The following NEURL4 variants were observed in gnomAD, a reference collection of about 807,000 sequenced individuals.
NEURL4 encodes the protein neuralized E3 ubiquitin protein ligase 4.
A neutral mutation model predicts 148.0 loss-of-function variants in NEURL4; 45 were observed. The ratio of observed to expected loss-of-function variants is 0.30; its 90% confidence interval spans 0.24 to 0.39. NEURL4 has a LOEUF of 0.39. Ranked by LOEUF, NEURL4 falls within the 10% of genes least tolerant of loss-of-function variation. NEURL4 has a pLI of 1.00. For missense variants in NEURL4, 1,776 were observed against 2,144.0 expected, an observed-to-expected ratio of 0.83 and a Z score of 3.39; for synonymous variants, 854 against 869.0, an observed-to-expected ratio of 0.98 and a Z score of 0.30.
Position 7,327,045 on chromosome 17 carries a change from T to C in NEURL4, c.794-36A>G. 2 of 1,605,168 alleles carry C rather than the reference T, an allele frequency of 1.2e-6. No individual in the cohort carries two copies. The highest frequency in any genetic ancestry group is 1.7e-6 in the Non-Finnish European group (2 of 1,179,252). On this transcript the variant is annotated intron_variant, in intron 3 of 28. Transcript: ENST00000399464. The surrounding 1 kb of genome is among the most constrained non-coding windows in gnomAD (Gnocchi z 6.6). ...AGGATGGAAGAAGGAAGCTCGGAAG[T>C]TGGGATGAGGCTCTACACCCCCAGA...
At chr17:7,325,144 T>TGGGGG in intron 8 of NEURL4, 65 bp downstream of exon 8, 96 of 956,318 alleles carry the variant, frequency 1.0e-4, no homozygotes, top group Non-Finnish European at 1.4e-4. Context: ...TCCACTTCCT[T>TGGGGG]GCCCCGCCCC....
chr17:7,328,031 C>A, intron 1 of NEURL4, 147 bp from the exon 2 acceptor site: 1 of 668,538 alleles, frequency 1.5e-6, no homozygotes, highest in South Asian at 2.0e-5. Context: ...TTCTGGACTC[C>A]GTCTTGGTAA....
rs2073026014 is a variant in NEURL4 at position 7,321,063 on chromosome 17, C to T, written c.3360+49G>A. On this transcript the variant is annotated intron_variant, in intron 20 of 28. Coordinates refer to ENST00000399464, the MANE Select transcript of NEURL4 (RefSeq NM_032442.3). This position sits in a 1 kb window ranked among gnomAD's most constrained non-coding sequence, Gnocchi z 6.3. ...AGAAAAGGCCTGGCATCCAACGGCC[C>T]AGCAACTGCCCATCCATGTGCACAG... 2 of 1,600,830 alleles carry T rather than the reference C, an allele frequency of 1.2e-6. No homozygotes were observed. The highest frequency in any genetic ancestry group is 1.1e-5 in the South Asian group (1 of 90,270).
Position 7,323,875 on chromosome 17 carries a change from G to A in NEURL4, c.2200C>T (p.Arg734Cys), listed in dbSNP as rs777626943. 25 of 1,613,860 alleles carry A rather than the reference G, an allele frequency of 1.5e-5. No homozygotes were observed. The highest frequency in any genetic ancestry group is 1.1e-4 in the South Asian group (10 of 91,088). ...GSNAVITNGG[R>C]TALRHNCRSE... is the part of the protein sequence containing the mutation. ...CGACAGTTGTGGCGGAGGGCGGTGC[G>A]GCCCCCGTTAGTGATGACTGCGTTA... is the stretch of plus-strand genomic sequence containing the variant. Residue 734 changes from arginine (R) to cysteine (C), a missense_variant, in exon 12 of 29, where the codon CGC becomes TGC. Physicochemically the swap from Arg to Cys is radical, Grantham distance 180. Coordinates refer to ENST00000399464, the MANE Select transcript of NEURL4 (RefSeq NM_032442.3).
In NEURL4 at chr17:7,321,262, A is replaced by G. The variant is rs762490853; in HGVS notation, c.3210T>C (p.Ala1070=). ...GGACTGGCCCGTAGAGATCCAACAC[A>G]GCCCACACGTTCTGGGAGGCACACA... is the stretch of plus-strand genomic sequence containing the variant. ...AATGIAKNVW[A]VLDLYGPVRG... Residue 1070 remains alanine (A), a synonymous_variant, in exon 20 of 29, where the codon GCT becomes GCC. Coordinates refer to ENST00000399464, the MANE Select transcript of NEURL4 (RefSeq NM_032442.3). The surrounding 1 kb of genome is among the most constrained non-coding windows in gnomAD (Gnocchi z 6.3). 1 of 1,613,606 alleles carries G rather than the reference A, an allele frequency of 6.2e-7. No homozygotes were observed. The highest frequency in any genetic ancestry group is 1.1e-5 in the South Asian group (1 of 91,070).
Position 7,327,895 on chromosome 17 carries a change from G to A in NEURL4, c.283-11C>T, listed in dbSNP as rs779035658. 3.8e-6 allele frequency: 6 copies of A among 1,585,704 alleles called. No homozygotes were observed. Among genetic ancestry groups the A allele is most frequent in the East Asian group, 4.6e-5 (2 of 43,344 alleles). ...GCTCCAGGAGTTGACCTGGGATAGG[G>A]GTATTGGACAGAGGCTTAGAATGGG... On this transcript the variant is annotated splice_polypyrimidine_tract_variant and intron_variant, in intron 1 of 28. Coordinates refer to ENST00000399464, the MANE Select transcript of NEURL4 (RefSeq NM_032442.3). The surrounding 1 kb of genome is among the most constrained non-coding windows in gnomAD (Gnocchi z 6.6).
chr17:7,324,382 C>T lies in NEURL4; in HGVS notation c.1899+13G>A, dbSNP rs1290948100. 3 of 1,614,080 alleles carry T rather than the reference C, an allele frequency of 1.9e-6. No individual in the cohort carries two copies. Among genetic ancestry groups the T allele is most frequent in the South Asian group, 1.1e-5 (1 of 91,086 alleles). On this transcript the variant is annotated intron_variant, in intron 10 of 28. Coordinates refer to ENST00000399464, the MANE Select transcript of NEURL4 (RefSeq NM_032442.3). The surrounding 1 kb of genome is among the most constrained non-coding windows in gnomAD (Gnocchi z 5.9). ...CCCGCTGCGGCCGCCAGGCGGCGCA[C>T]CCACTTTCCCACCTTGAGGCGGTCC...
At chr17:7,319,029 T>C in intron 22 of NEURL4, 21 bp downstream of exon 22, 1 of 1,594,224 alleles carries the variant, frequency 6.3e-7, no homozygotes, top group South Asian at 1.1e-5. Flanking sequence ...GTCCTGTTCC[T>C]TCTCTCTGGC....
rs778945634 is a variant in NEURL4 at position 7,324,153 on chromosome 17, C to T, written c.2017G>A (p.Asp673Asn). 1.5e-5 allele frequency: 25 copies of T among 1,613,596 alleles called. No individual in the cohort carries two copies. Among genetic ancestry groups the T allele is most frequent in the East Asian group, 2.2e-5 (1 of 44,880 alleles). The change falls in exon 11 of 29, where the codon GAT (aspartate) becomes AAT (asparagine). Residue 673 changes from aspartate (D) to asparagine (N), a missense_variant. Coordinates refer to ENST00000399464, the MANE Select transcript of NEURL4 (RefSeq NM_032442.3). The surrounding 1 kb of genome is among the most constrained non-coding windows in gnomAD (Gnocchi z 5.9). ...NVPPGVYAVV[D>N]LYGQAAQATI... ...GCCTGGGCCGCCTGGCCATAGAGAT[C>T]GACGACAGCATAGACGCCCGGGGGC...
chr17:7,318,910 C>T lies in NEURL4; in HGVS notation c.3684+140G>A, dbSNP rs1170206915. On this transcript the variant is annotated intron_variant, in intron 22 of 28. Coordinates refer to ENST00000399464, the MANE Select transcript of NEURL4 (RefSeq NM_032442.3). The surrounding 1 kb of genome is among the most constrained non-coding windows in gnomAD (Gnocchi z 4.3). ...GCCTAAGACTGACCAGGCAATGCTA[C>T]TCGCCCTTGCCTGCCCATTACTGTT... 8 of 1,004,290 alleles carry T rather than the reference C, an allele frequency of 8.0e-6. No homozygotes were observed. Among genetic ancestry groups the T allele is most frequent in the East Asian group, 2.5e-5 (1 of 39,852 alleles). The allele number at this position is 1,004,290 out of a possible 1,614,324, so 62.2% of individuals were successfully genotyped here.
Position 7,319,093 on chromosome 17 carries a change from G to T in NEURL4, c.3641C>A (p.Ala1214Asp), listed in dbSNP as rs1232254864. ...GACCCCACGGCCCCGCAGCAGCCAG[G>T]CTGCCCGTTTGAGGGCACAGGCAGA... ...PASACALKRAAWLLRGRGVFH... is the reference protein window; with the variant it reads ...PASACALKRADWLLRGRGVFH... Residue 1214 changes from alanine (A) to aspartate (D), a missense_variant, in exon 22 of 29, where the codon GCC becomes GAC. Ala to Asp is a moderately radical substitution (Grantham distance 126, BLOSUM62 -2). Transcript: ENST00000399464. 1.2e-6 allele frequency: 2 copies of T among 1,614,016 alleles called. No homozygotes were observed. Among genetic ancestry groups the T allele is most frequent in the Non-Finnish European group, 1.7e-6 (2 of 1,179,952 alleles).
chr17:7,324,345 G>GT lies in NEURL4; in HGVS notation c.1899+49dup. The stretch of plus-strand genomic sequence containing the variant: ...GGGCTGGTCCTGCATCAGCCCCGCG[G>GT]TGTTTGTGATGCCCGCTGCGGCCGC... On this transcript the variant is annotated intron_variant, in intron 10 of 28. Transcript: ENST00000399464. The surrounding 1 kb of genome is among the most constrained non-coding windows in gnomAD (Gnocchi z 5.9). 2 of 1,613,954 alleles carry GT rather than the reference G, an allele frequency of 1.2e-6. No homozygotes were observed. The highest frequency in any genetic ancestry group is 1.7e-6 in the Non-Finnish European group (2 of 1,179,940).
At position 7,329,199 on chromosome 17, in the gene NEURL4, C is replaced by T; in HGVS notation, c.114G>A (p.Leu38=). The T allele has an allele frequency of 6.3e-7, 1 of 1,577,546 alleles. No individual in the cohort carries two copies. Among genetic ancestry groups the T allele is most frequent in the Non-Finnish European group, 8.6e-7 (1 of 1,166,980 alleles). The change falls in exon 1 of 29, where the codon CTG becomes CTA. Residue 38 remains leucine, a synonymous_variant. Transcript: ENST00000399464. ...SGSGPGSNGG[L]GSGGELHPRT... ...GCGGGTGCAGTTCCCCGCCGCTGCCCAGACCCCCGTTGGACCCCGGTCCTG... is the reference window on the plus strand; with the variant it reads ...GCGGGTGCAGTTCCCCGCCGCTGCCTAGACCCCCGTTGGACCCCGGTCCTG...
In NEURL4 at chr17:7,326,841, T is replaced by C. The variant is rs1253743823; in HGVS notation, c.962A>G (p.His321Arg). ...ILTSNDALLFHEKCGTLIKLS... is the reference protein window; with the variant it reads ...ILTSNDALLFREKCGTLIKLS... ...TTTGATGAGGGTCCCGCACTTTTCATGAAAGAGCAGGGCATCGTTGGAAGT... is the reference window on the plus strand; with the variant it reads ...TTTGATGAGGGTCCCGCACTTTTCACGAAAGAGCAGGGCATCGTTGGAAGT... Residue 321 changes from histidine to arginine, a missense_variant, in exon 4 of 29, where the codon CAT becomes CGT. Physicochemically the swap from His to Arg is conservative, Grantham distance 29. Transcript: ENST00000399464. The surrounding 1 kb of genome is among the most constrained non-coding windows in gnomAD (Gnocchi z 6.0). 2 of 1,613,676 alleles carry C rather than the reference T, an allele frequency of 1.2e-6. No individual in the cohort carries two copies. Among genetic ancestry groups the C allele is most frequent in the Non-Finnish European group, 1.7e-6 (2 of 1,179,970 alleles).
chr17:7,318,225 T>C lies in NEURL4; in HGVS notation c.3952+44A>G, dbSNP rs7222233. The C allele has an allele frequency of 0.6, 971,859 of 1,610,002 alleles. 298,653 individuals are homozygous for C. The highest frequency in any genetic ancestry group is 0.94 in the East Asian group (42,241 of 44,866). Reference sequence around the variant, plus strand: ...AGGAGCTGGGCTAGAAGGGTGAGGGTGGGGGAGTAGGGGCAGGAGCTGGGT... The same window carrying C: ...AGGAGCTGGGCTAGAAGGGTGAGGGCGGGGGAGTAGGGGCAGGAGCTGGGT... On this transcript the variant is annotated intron_variant, in intron 24 of 28. Coordinates refer to ENST00000399464, the MANE Select transcript of NEURL4 (RefSeq NM_032442.3). This position sits in a 1 kb window ranked among gnomAD's most constrained non-coding sequence, Gnocchi z 4.3.
Position 7,318,372 on chromosome 17 carries a change from T to A in NEURL4, c.3865-16A>T. 6.2e-7 allele frequency: 1 copy of A among 1,613,464 alleles called. No individual in the cohort carries two copies. The highest frequency in any genetic ancestry group is 8.5e-7 in the Non-Finnish European group (1 of 1,179,652). On this transcript the variant is annotated splice_polypyrimidine_tract_variant and intron_variant, in intron 23 of 28. Transcript: ENST00000399464. This position sits in a 1 kb window ranked among gnomAD's most constrained non-coding sequence, Gnocchi z 4.3. ...CGATTGTCACCTGCAGGGGAGAGGGTAGTCAGACAGAGCTTGGTCAGACCC... is the reference window on the plus strand; with the variant it reads ...CGATTGTCACCTGCAGGGGAGAGGGAAGTCAGACAGAGCTTGGTCAGACCC...
Position 7,321,634 on chromosome 17 carries a change from C to T in NEURL4, c.3025G>A (p.Val1009Ile), listed in dbSNP as rs771443702. Residue 1009 changes from valine to isoleucine, a missense_variant, in exon 18 of 29, where the codon GTA becomes ATA. By Grantham distance (29) the Val-to-Ile change is conservative. Coordinates refer to ENST00000399464, the MANE Select transcript of NEURL4 (RefSeq NM_032442.3). This position sits in a 1 kb window ranked among gnomAD's most constrained non-coding sequence, Gnocchi z 6.3. ...TCACGCCTCACTTCACAGCTGGATA[C>T]CATCCAAGTGGTCTTCGTCCGGAGC... The part of the protein sequence containing the change: ...PELRTKTTWM[V>I]SSCEVRRDGQ... The T allele has an allele frequency of 4.3e-6, 7 of 1,614,088 alleles. No homozygotes were observed. In the South Asian group the frequency reaches 7.7e-5, roughly 18 times the overall value.
At position 7,321,163 on chromosome 17, in the gene NEURL4, G is replaced by A; in HGVS notation, c.3309C>T (p.Asp1103=). 1.2e-6 allele frequency: 2 copies of A among 1,613,984 alleles called. No individual in the cohort carries two copies. Among genetic ancestry groups the A allele is most frequent in the Non-Finnish European group, 1.7e-6 (2 of 1,180,028 alleles). Reference sequence around the variant, plus strand: ...CATCCTCCTCGCCCTCACTGCCGGTGTCTGAACTGGGGGAAGGAGGCTGGG... The same window carrying A: ...CATCCTCCTCGCCCTCACTGCCGGTATCTGAACTGGGGGAAGGAGGCTGGG... The part of the protein sequence containing the change: ...EGTQPPSPSS[D]TGSEGEEDDE... Residue 1103 remains aspartate (D), a synonymous_variant, in exon 20 of 29, where the codon GAC becomes GAT. Transcript: ENST00000399464. The surrounding 1 kb of genome is among the most constrained non-coding windows in gnomAD (Gnocchi z 6.3).
chr17:7,316,250 G>A lies in NEURL4; in HGVS notation c.4562C>T (p.Thr1521Ile). ...FQVCVRPGSY[T>I]PGPPSAALGE... ...AAGGGCAGCGGAAGGGGGTCCCGGG[G>A]TGTAGGAGCCAGGGCGCACACACAC... Residue 1521 changes from threonine (T) to isoleucine (I), a missense_variant, in exon 29 of 29, where the codon ACC (threonine) becomes ATC (isoleucine). By Grantham distance (89) the Thr-to-Ile change is moderately conservative. Transcript: ENST00000399464. 3 of 1,613,854 alleles carry A rather than the reference G, an allele frequency of 1.9e-6. No individual in the cohort carries two copies. Among genetic ancestry groups the A allele is most frequent in the Non-Finnish European group, 1.7e-6 (2 of 1,179,960 alleles).
Sources: gnomAD v4.1 joint callset for allele counts on GRCh38, gnomAD v4.1.1 for gene constraint, Gnocchi (gnomAD v3.1) non-coding constraint, MANE v1.5 for transcripts, NCBI Gene and HGNC (gene_info 2026-07-23, HGNC 2026-07-21) for gene names.